CDH13: variants seen among roughly 807,000 people sequenced by gnomAD.
The protein encoded by CDH13 is cadherin-13.
A neutral mutation model predicts 63.8 loss-of-function variants in CDH13; 24 were observed. That is an observed-to-expected ratio of 0.38 (90% CI 0.27 to 0.53). CDH13 has a LOEUF of 0.53. Ranked by LOEUF, CDH13 falls within the 20% of genes least tolerant of loss-of-function variation. The pLI, the probability that CDH13 is intolerant of heterozygous loss-of-function variation, is 0.85. For missense variants in CDH13, 1,049 were observed against 903.1 expected, an observed-to-expected ratio of 1.16 and a Z score of -2.07; for synonymous variants, 503 against 355.3, an observed-to-expected ratio of 1.42 and a Z score of -4.67.
At chr16:83,730,332 A>T (rs1363930994) in intron 10 of CDH13, among the ~76,000 whole-genome samples, 1 of 152,226 alleles carries the variant, frequency 6.6e-6, no homozygotes, top group Non-Finnish European at 1.5e-5. Flanking sequence ...GATGTTATTA[A>T]CCTGGCATTC....
chr16:83,217,565 A>G, intron 5 of CDH13, 68 bp downstream of exon 5: 1 of 1,498,674 alleles, frequency 6.7e-7, no homozygotes, highest in Non-Finnish European at 9.1e-7. Context: ...TTTTCTTCCC[A>G]CTGAGCTCAT....
intron 1 of CDH13, among the ~76,000 whole-genome samples, chr16:82,733,507 G>A (rs1317354714): frequency 6.6e-6 from 1 of 152,172 alleles, no homozygotes; most frequent in Non-Finnish European, 1.5e-5. Flanking sequence ...ATTTGGCTGT[G>A]TAGAGCTCTC....
chr16:82,805,417 A>C (rs1275337234), intron 1 of CDH13, among the ~76,000 whole-genome samples: 1 of 152,196 alleles, frequency 6.6e-6, no homozygotes, highest in Non-Finnish European at 1.5e-5. Flanking sequence ...GCAGAGTGGC[A>C]TGGCTGGTTC....
intron 3 of CDH13, among the ~76,000 whole-genome samples, chr16:83,110,249 G>A (rs1358985881): frequency 6.6e-6 from 1 of 152,176 alleles, no homozygotes; most frequent in East Asian, 1.9e-4. Flanking sequence ...TCCATCAACT[G>A]CTGCTTCTTT....
At chr16:83,744,623 A>G (rs116135048) in intron 10 of CDH13, among the ~76,000 whole-genome samples, 2,855 of 152,252 alleles carry the variant, frequency 0.019, 90 homozygotes, top group African/African-American at 0.062. Flanking sequence ...TGTGAGTCAC[A>G]TCAGGGAGGA....
At chr16:82,871,769 C>A (rs1597860061) in intron 2 of CDH13, among the ~76,000 whole-genome samples, 1 of 152,092 alleles carries the variant, frequency 6.6e-6, no homozygotes, top group Non-Finnish European at 1.5e-5. Flanking sequence ...TTAATGATAT[C>A]CTCAATATCA....
intron 1 of CDH13, among the ~76,000 whole-genome samples, chr16:82,747,373 T>C (rs2034224039): frequency 6.6e-6 from 1 of 152,204 alleles, no homozygotes; most frequent in South Asian, 2.1e-4. Flanking sequence ...TGAGGTGTGT[T>C]TATTCAGGTA....
chr16:83,331,323 T>C (rs982970560), intron 5 of CDH13, among the ~76,000 whole-genome samples: 3 of 152,208 alleles, frequency 2.0e-5, no homozygotes, highest in Non-Finnish European at 4.4e-5. Flanking sequence ...TGAGACTCTT[T>C]TTATAATCCC....
chr16:83,321,349 T>C (rs2090219284), intron 5 of CDH13, among the ~76,000 whole-genome samples: 1 of 152,146 alleles, frequency 6.6e-6, no homozygotes, highest in Admixed American at 6.5e-5. Context: ...TCACAGCAAG[T>C]TGATCAACTT....
At chr16:83,273,723 T>C (rs2088896514) in intron 5 of CDH13, among the ~76,000 whole-genome samples, 1 of 152,198 alleles carries the variant, frequency 6.6e-6, no homozygotes, top group Non-Finnish European at 1.5e-5. Context: ...TGTTTGTTGA[T>C]CTCTTGTGGT....
rs373469956 is a variant in CDH13, at chr16:83,795,111, C to T, written c.*81C>T. 2.0e-4 allele frequency: 243 copies of T among 1,244,168 alleles called. No individual in the cohort carries two copies. The highest frequency in any genetic ancestry group is 2.4e-4 in the Non-Finnish European group (214 of 888,932). The allele number at this position is 1,244,168 out of a possible 1,614,324, so 77.1% of individuals were successfully genotyped here. On this transcript the variant is annotated 3_prime_UTR_variant, in exon 14 of 14. Coordinates refer to ENST00000567109, the MANE Select transcript of CDH13 (RefSeq NM_001257.5). ...AAAATCTATCCAAATCTGAAGATTG[C>T]GGTTTACAGCTATCGAACTTCACAA...
intron 11 of CDH13, among the ~76,000 whole-genome samples, chr16:83,751,675 C>T (rs111760997): frequency 3.9e-5 from 6 of 152,234 alleles, no homozygotes; most frequent in Admixed American, 2.0e-4. Flanking sequence ...TCAGAGTCTG[C>T]GCAAGCATAA....
chr16:82,953,207 G>T (rs957769750), intron 2 of CDH13: 1 of 151,912 alleles, frequency 6.6e-6, no homozygotes, highest in African/African-American at 2.4e-5. Context: ...ATTGTGAAAA[G>T]GTCAAGATAA....
At chr16:83,743,186 C>T (rs757711322) in intron 10 of CDH13, among the ~76,000 whole-genome samples, 9 of 152,056 alleles carry the variant, frequency 5.9e-5, no homozygotes, top group Non-Finnish European at 1.3e-4. Flanking sequence ...CCAGCCTGGG[C>T]GACAGAGCAA....
At chr16:82,736,099 C>T (rs896913559) in intron 1 of CDH13, among the ~76,000 whole-genome samples, 1 of 152,198 alleles carries the variant, frequency 6.6e-6, no homozygotes, top group Non-Finnish European at 1.5e-5. Flanking sequence ...AGTTTCCAAA[C>T]TAGTCAGTAA....
intron 3 of CDH13, among the ~76,000 whole-genome samples, chr16:83,121,908 A>T (rs1258190609): frequency 6.6e-6 from 1 of 151,974 alleles, no homozygotes; most frequent in Non-Finnish European, 1.5e-5. Context: ...TCAGAGCCTT[A>T]GCTTATCTTG....
intron 2 of CDH13, among the ~76,000 whole-genome samples, chr16:82,996,286 C>G (rs1023916252): frequency 1.3e-5 from 2 of 152,118 alleles, no homozygotes; most frequent in African/African-American, 4.8e-5. Context: ...AGTAAACCCT[C>G]TTCCTCTCCC....
In CDH13 at chr16:82,898,058, A is replaced by G. The variant is rs546457069; in HGVS notation, c.157+39585A>G. Among the ~76,000 whole-genome samples the G allele has an allele frequency of 2.0e-5, 3 of 152,372 alleles. No individual in the cohort carries two copies. The East Asian group carries it at 5.8e-4, about 29-fold the overall frequency. On this transcript the variant is annotated intron_variant, in intron 2 of 13. Coordinates refer to ENST00000567109, the MANE Select transcript of CDH13 (RefSeq NM_001257.5). ...TGTGTTGTGAATATAAAACATATAC[A>G]GTTCTCAAAGAGTGAATAAAGAAAA...
chr16:83,376,735 G>A lies in CDH13; in HGVS notation c.781+31729G>A, dbSNP rs552947146. 2.6e-5 allele frequency among the ~76,000 whole-genome samples: 4 copies of A among 152,248 alleles called. No individual in the cohort carries two copies. The East Asian group carries it at 7.7e-4, about 29-fold the overall frequency. On this transcript the variant is annotated intron_variant, in intron 6 of 13. Transcript: ENST00000567109. ...TTGGGGGTTTCTGATACATTACAAAGGGCCAGAAATCTTTGAGCATCTTGT... is the reference window on the plus strand; with the variant it reads ...TTGGGGGTTTCTGATACATTACAAAAGGCCAGAAATCTTTGAGCATCTTGT...
Sources: gnomAD v4.1 joint callset for allele counts (sites outside exome capture counted in the v4.1 genomes callset) on GRCh38, gnomAD v4.1.1 for gene constraint, MANE v1.5 for transcripts, NCBI Gene and HGNC (gene_info 2026-07-23, HGNC 2026-07-21) for gene names.